Variants in AMOTL1 observed in about 807,000 individuals in gnomAD.
AMOTL1 encodes angiomotin-like protein 1.
In AMOTL1, 45 loss-of-function variants were observed where a neutral mutation model predicts 102.9. The ratio of observed to expected loss-of-function variants is 0.44; its 90% CI spans 0.34 to 0.56. The LOEUF is 0.56. Among genes scored for constraint, AMOTL1 ranks in the 20% least tolerant of loss-of-function variants. AMOTL1 has a pLI of 0.01. For missense variants in AMOTL1, 1,114 were observed against 1,225.6 expected, an observed-to-expected ratio of 0.91 and a Z score of 1.36; for synonymous variants, 481 against 484.7, an observed-to-expected ratio of 0.99 and a Z score of 0.10.
upstream of AMOTL1, among the ~76,000 whole-genome samples, chr11:94,767,005 T>G (rs1369886860): frequency 6.6e-6 from 1 of 152,162 alleles, no homozygotes; most frequent in Non-Finnish European, 1.5e-5. Context: ...TGCTGCCTTT[T>G]CCTCTTTCTG....
At chr11:94,869,055 ATAAGTGTTTATTAAATGC>A (rs1308233766) in intron 11 of AMOTL1, 125 bp from the exon 12 acceptor site, 3 of 976,870 alleles carry the variant, frequency 3.1e-6, no homozygotes, top group Non-Finnish European at 4.3e-6. Flanking sequence ...CAGCCTTGTA[ATAAGTGTTTATTAAATGC>A]TTGGGGAATG....
At chr11:94,820,863 G>T (rs1239576736) in intron 3 of AMOTL1, among the ~76,000 whole-genome samples, 4 of 152,180 alleles carry the variant, frequency 2.6e-5, no homozygotes, top group African/African-American at 9.7e-5. Flanking sequence ...AGAATCTAAT[G>T]CCACTGCTGA....
In AMOTL1 at chr11:94,800,292, CCT is replaced by C. The variant is rs765191336; in HGVS notation, c.1103_1104del (p.Pro368ArgfsTer105). 3 of 1,608,650 alleles carry C rather than the reference CCT, an allele frequency of 1.9e-6. No individual in the cohort carries two copies. Among genetic ancestry groups the C allele is most frequent in the African/African-American group, 2.7e-5 (2 of 74,776 alleles). ...GGCCGTCCTGCGGTACCAGCCACCC[CCT>C]GAGTATGGGGTAACGAGGTGATTAT... ...DVAVLRYQPP[P>X]EYGVTSRPCQ... is the part of the protein sequence containing the mutation. On this transcript the variant is annotated frameshift_variant, in exon 3 of 13. Coordinates refer to ENST00000433060, the MANE Select transcript of AMOTL1 (RefSeq NM_130847.3). LOFTEE classifies it high-confidence loss of function.
intron 6 of AMOTL1, among the ~76,000 whole-genome samples, chr11:94,847,444 G>A (rs975180288): frequency 6.6e-6 from 1 of 152,108 alleles, no homozygotes; most frequent in Admixed American, 6.5e-5. Flanking sequence ...CAATATTTTT[G>A]AGCCAGATGC....
At chr11:94,805,233 C>T (rs914721745) in intron 3 of AMOTL1, among the ~76,000 whole-genome samples, 1 of 152,150 alleles carries the variant, frequency 6.6e-6, no homozygotes, top group African/African-American at 2.4e-5. Flanking sequence ...CTCTGCCCAC[C>T]TTCTGTTTTT....
chr11:94,768,371 C>G lies in AMOTL1; in HGVS notation c.-141C>G. 1.4e-6 allele frequency: 2 copies of G among 1,480,654 alleles called. No homozygotes were observed. The highest frequency in any genetic ancestry group is 1.8e-6 in the Non-Finnish European group (2 of 1,116,292). 91.7% of individuals were successfully genotyped at this position (1,480,654 alleles called of 1,614,324 possible). On this transcript the variant is annotated 5_prime_UTR_variant, in exon 1 of 13. Coordinates refer to ENST00000433060, the MANE Select transcript of AMOTL1 (RefSeq NM_130847.3). The stretch of plus-strand genomic sequence containing the variant: ...CGGCGGCGGGAGCGCGCGAGAAGCT[C>G]TAGGACCCAGCAGCGGTTGTCGGGT...
At chr11:94,819,599 T>C (rs1163788424) in intron 3 of AMOTL1, among the ~76,000 whole-genome samples, 1 of 152,178 alleles carries the variant, frequency 6.6e-6, no homozygotes, top group East Asian at 1.9e-4. Context: ...CTTCCCCCAC[T>C]TGGAGTTGTC....
chr11:94,743,651 CTTTTTTTTT>C (rs760828820), intron 3 of AMOTL1, among the ~76,000 whole-genome samples: 4 of 98,188 alleles, frequency 4.1e-5, no homozygotes, highest in African/African-American at 9.5e-5. Context: ...CACAATACTT[CTTTTTTTTT>C]TTTTTTTTTT....
At chr11:94,787,035 T>C (rs1951201004) in intron 1 of AMOTL1, among the ~76,000 whole-genome samples, 1 of 151,472 alleles carries the variant, frequency 6.6e-6, no homozygotes. Context: ...GTTATAAACT[T>C]ATGAGTTAAG....
chr11:94,858,179 G>A (rs1184911366), intron 8 of AMOTL1, among the ~76,000 whole-genome samples: 1 of 152,138 alleles, frequency 6.6e-6, no homozygotes, highest in Non-Finnish European at 1.5e-5. Context: ...AAATAAGGGA[G>A]CGTCTCATCT....
At chr11:94,751,778 G>GCA (rs71036341) in intron 3 of AMOTL1, among the ~76,000 whole-genome samples, 3,943 of 146,672 alleles carry the variant, frequency 0.027, 135 homozygotes, top group African/African-American at 0.08. Context: ...CATTCACACA[G>GCA]CACACACACA....
intron 3 of AMOTL1, among the ~76,000 whole-genome samples, chr11:94,756,243 G>A (rs1362854064): frequency 1.3e-5 from 2 of 152,164 alleles, no homozygotes; most frequent in African/African-American, 4.8e-5. Context: ...GGGCGTGGCA[G>A]GCCAAAAGCA....
At chr11:94,747,373 G>A (rs1950601837) in intron 3 of AMOTL1, among the ~76,000 whole-genome samples, 1 of 152,130 alleles carries the variant, frequency 6.6e-6, no homozygotes, top group Admixed American at 6.5e-5. Context: ...AGAGGAGTGT[G>A]TCATGAGAAT....
At chr11:94,805,949 G>T (rs1177954003) in intron 3 of AMOTL1, among the ~76,000 whole-genome samples, 1 of 152,176 alleles carries the variant, frequency 6.6e-6, no homozygotes, top group Non-Finnish European at 1.5e-5. Context: ...CAGGGGGCTT[G>T]CAGTGTCATA....
intron 12 of AMOTL1, 92 bp downstream of exon 12, chr11:94,869,565 C>T (rs925053468): frequency 9.3e-6 from 13 of 1,398,980 alleles, no homozygotes; most frequent in Non-Finnish European, 1.2e-5. Context: ...GAAGCAGGGG[C>T]ACCCATCAGC....
intron 3 of AMOTL1, among the ~76,000 whole-genome samples, chr11:94,749,954 A>G (rs1161218043): frequency 6.6e-6 from 1 of 152,198 alleles, no homozygotes; most frequent in East Asian, 1.9e-4. Flanking sequence ...TCTAAGACAA[A>G]TGTAAAGTTT....
intron 1 of AMOTL1, among the ~76,000 whole-genome samples, chr11:94,718,347 T>C (rs1258467251): frequency 6.6e-6 from 1 of 152,046 alleles, no homozygotes; most frequent in African/African-American, 2.4e-5. Context: ...TTGACAGTCA[T>C]TAAAATTTTT....
intron 1 of AMOTL1, among the ~76,000 whole-genome samples, chr11:94,783,926 GTTTTT>G (rs566512220): frequency 2.1e-5 from 3 of 145,038 alleles, no homozygotes; most frequent in African/African-American, 7.6e-5. Flanking sequence ...TATCTGTTTT[GTTTTT>G]TTTTTTCTGT....
chr11:94,763,093 A>G (rs11020936), intron 3 of AMOTL1, among the ~76,000 whole-genome samples: 195 of 152,330 alleles, frequency 1.3e-3, no homozygotes, highest in Non-Finnish European at 1.5e-3. Context: ...CTTCTGTTGC[A>G]TAACATTTTA....
Sources: gnomAD v4.1 joint callset for allele counts (sites outside exome capture counted in the v4.1 genomes callset) on GRCh38, gnomAD v4.1.1 for gene constraint, MANE v1.5 for transcripts, NCBI Gene and HGNC (gene_info 2026-07-23, HGNC 2026-07-21) for gene names.